The following ADGRF1 variants were observed in gnomAD, a reference collection of about 807,000 sequenced individuals.
ADGRF1 encodes G protein-coupled receptor 110.
Under a neutral mutation model 87.2 loss-of-function variants are expected in ADGRF1, and 85 were observed. The observed-to-expected ratio is 0.97, with a 90% CI of 0.82 to 1.17. ADGRF1 has a LOEUF of 1.17. Ranked by LOEUF, ADGRF1 falls within the 50% of genes most tolerant of loss-of-function variation. The probability of loss-of-function intolerance (pLI) is 0.00; values close to 1 mark genes in which losing one functional copy is unlikely to be tolerated. For synonymous variants in ADGRF1, 430 were observed against 408.8 expected (o/e 1.05, Z -0.63); for missense variants, 1,169 against 1,077.2 (o/e 1.09, Z -1.19).
Position 47,010,094 on chromosome 6 carries a change from A to G in ADGRF1, c.1341T>C (p.Tyr447=), listed in dbSNP as rs774217673. ...TATTTTGGGGACACATTTTAATCTGATAGCTGTAACCCCTTTTGAGTTGGC... is the reference window on the plus strand; with the variant it reads ...TATTTTGGGGACACATTTTAATCTGGTAGCTGTAACCCCTTTTGAGTTGGC... ...NKSQLKRGYS[Y]QIKMCPQNTS... is the part of the protein sequence containing the mutation. The change falls in exon 11 of 15, where the codon TAT becomes TAC. Residue 447 remains tyrosine, a synonymous_variant. Transcript: ENST00000371253. 1.2e-6 allele frequency: 2 copies of G among 1,614,138 alleles called. No individual in the cohort carries two copies. The highest frequency in any genetic ancestry group is 3.3e-5 in the Admixed American group (2 of 60,020).
intron 13 of ADGRF1, 118 bp from the exon 14 acceptor site, chr6:47,001,685 T>A: frequency 1.3e-6 from 1 of 758,948 alleles, no homozygotes; most frequent in Non-Finnish European, 2.2e-6. Context: ...TAGGTGCTAT[T>A]CTCTTTTTAA....
chr6:47,006,384 G>A (rs1779530147), intron 12 of ADGRF1, among the ~76,000 whole-genome samples: 1 of 151,984 alleles, frequency 6.6e-6, no homozygotes, highest in Non-Finnish European at 1.5e-5. Context: ...ATTGTTTAAT[G>A]CTTGGGTTTA....
rs1232749376 is a variant in ADGRF1, at chr6:47,008,966, A to G, written c.2469T>C (p.Phe823=). ...DSQNLAWHVI[F]ALLNAFQGFF... ...TCACCTGGAATGCATTGAGTAAAGC[A>G]AAAATAACATGCCAAGCCAGATTCT... Residue 823 remains phenylalanine, a synonymous_variant, in exon 11 of 15, where the codon TTT becomes TTC. Transcript: ENST00000371253. The G allele has an allele frequency of 6.2e-7, 1 of 1,603,182 alleles. No individual in the cohort carries two copies. Among genetic ancestry groups the G allele is most frequent in the East Asian group, 2.2e-5 (1 of 44,606 alleles).
In ADGRF1 at chr6:47,009,521, A is replaced by G. The variant is rs144891661; in HGVS notation, c.1914T>C (p.Asp638=). Residue 638 remains aspartate (D), a synonymous_variant, in exon 11 of 15, where the codon GAT becomes GAC. Coordinates refer to ENST00000371253, the MANE Select transcript of ADGRF1 (RefSeq NM_153840.4). ...VNIALSLLIA[D]VWFIVGATVD... ...CTGTGGCACCAACAATAAACCAGAC[A>G]TCAGCAATCAAGAGGGACAGGGCTA... 2.7e-5 allele frequency: 43 copies of G among 1,613,976 alleles called. No homozygotes were observed. The African/African-American group carries it at 5.1e-4, about 19-fold the overall frequency.
chr6:47,031,282 CTCTCTCTCTCTG>C (rs896417833), intron 1 of ADGRF1, among the ~76,000 whole-genome samples: 6 of 151,574 alleles, frequency 4.0e-5, no homozygotes, highest in Non-Finnish European at 7.4e-5. Context: ...CTCTCTCTCT[CTCTCTCTCTCTG>C]TCTGACTCTC....
chr6:47,013,904 C>T (rs866798983), intron 9 of ADGRF1: 39 of 152,528 alleles, frequency 2.6e-4, no homozygotes, highest in African/African-American at 9.5e-4. Context: ...CTCTCTCTCT[C>T]CTGTCACCAT....
intron 8 of ADGRF1, among the ~76,000 whole-genome samples, chr6:47,015,066 T>C (rs1051970099): frequency 6.6e-6 from 1 of 152,196 alleles, no homozygotes; most frequent in Non-Finnish European, 1.5e-5. Flanking sequence ...TGACTCCTCC[T>C]TCCAGGTGTC....
chr6:47,008,821 GT>G, intron 11 of ADGRF1, 123 bp downstream of exon 11: 1 of 806,222 alleles, frequency 1.2e-6, no homozygotes, highest in South Asian at 2.2e-5. Flanking sequence ...TTTCCATGCA[GT>G]TTTTCTGATG....
intron 2 of ADGRF1, among the ~76,000 whole-genome samples, chr6:47,028,258 G>A (rs1212644176): frequency 6.6e-6 from 1 of 152,168 alleles, no homozygotes; most frequent in Non-Finnish European, 1.5e-5. Flanking sequence ...GACAATGAAG[G>A]TGTGGATCAA....
intron 7 of ADGRF1, chr6:47,019,395 A>C (rs1373791526): frequency 1.0e-6 from 1 of 984,982 alleles, no homozygotes; most frequent in African/African-American, 1.7e-5. Flanking sequence ...AAAATTTCCT[A>C]TGGGTTGGCC....
At chr6:47,037,761 C>A (rs574772394) in intron 1 of ADGRF1, among the ~76,000 whole-genome samples, 14 of 152,328 alleles carry the variant, frequency 9.2e-5, no homozygotes, top group African/African-American at 3.1e-4. Context: ...GATCCTTCTT[C>A]CTTAGCCTCT....
chr6:47,025,968 T>C lies in ADGRF1; in HGVS notation c.163A>G (p.Thr55Ala). The change falls in exon 4 of 15, where the codon ACC becomes GCC. Residue 55 changes from threonine (T) to alanine (A), a missense_variant. Coordinates refer to ENST00000371253, the MANE Select transcript of ADGRF1 (RefSeq NM_153840.4). The part of the protein sequence containing the change: ...VEEYQLLLQV[T>A]YRDSKEKRDL... ...CTTTTCTCCTTGGAATCTCTATAGG[T>C]CACCTGAAGCAGCAGCTGATATTCT... 1 of 1,608,180 alleles carries C rather than the reference T, an allele frequency of 6.2e-7. No homozygotes were observed. The highest frequency in any genetic ancestry group is 8.5e-7 in the Non-Finnish European group (1 of 1,177,140).
rs144228974 is a variant in ADGRF1 at position 47,009,272 on chromosome 6, C to T, written c.2163G>A (p.Thr721=). The T allele has an allele frequency of 3.5e-5, 56 of 1,614,058 alleles. No homozygotes were observed. Among genetic ancestry groups the T allele is most frequent in the African/African-American group, 2.7e-4 (20 of 75,014 alleles). ...TCCTTTTGTAGGTATTGCTAGGTTG[C>T]GTGACAGCAATGGTAATGACAGATA... is the stretch of plus-strand genomic sequence containing the variant. The part of the protein sequence containing the change: ...LIISVITIAV[T]QPSNTYKRKD... Residue 721 remains threonine, a synonymous_variant, in exon 11 of 15, where the codon ACG becomes ACA. Transcript: ENST00000371253.
At chr6:47,013,617 A>G (rs1779772410) in intron 9 of ADGRF1, 1 of 985,182 alleles carries the variant, frequency 1.0e-6, no homozygotes, top group Admixed American at 6.2e-5. Context: ...ACTTGTCTTA[A>G]TACTTGAACC....
chr6:47,016,836 C>T, intron 7 of ADGRF1, 68 bp from the exon 8 acceptor site: 1 of 1,486,842 alleles, frequency 6.7e-7, no homozygotes, highest in Non-Finnish European at 9.0e-7. Context: ...CCGGCCTATG[C>T]TGTGTGTACA....
intron 14 of ADGRF1, among the ~76,000 whole-genome samples, chr6:47,001,123 C>T (rs559262168): frequency 1.6e-4 from 24 of 152,354 alleles, no homozygotes; most frequent in Admixed American, 3.3e-4. Context: ...CACCTGGCCG[C>T]GTGCCCACTG....
rs1335277629 is a variant in ADGRF1, at chr6:47,009,077, G to A, written c.2358C>T (p.Ile786=). ...ERLSRDDKAT[I]IRVGKSLLIL... ...TGAGGAGGCTCTTCCCCACGCGGAT[G>A]ATGGTGGCCTTGTCATCCCGACTCA... The change falls in exon 11 of 15, where the codon ATC becomes ATT. Residue 786 remains isoleucine (I), a synonymous_variant. Transcript: ENST00000371253. 4 of 1,614,114 alleles carry A rather than the reference G, an allele frequency of 2.5e-6. No individual in the cohort carries two copies. The highest frequency in any genetic ancestry group is 3.3e-5 in the Admixed American group (2 of 60,012).
chr6:47,020,791 T>G lies in ADGRF1; in HGVS notation c.553-2A>C. The stretch of plus-strand genomic sequence containing the variant: ...AATTCTTTCATATGCTTTTTTAAGC[T>G]TAGAAAGAGAACAAAGAACAATGTG... On this transcript the variant is annotated splice_acceptor_variant, in intron 6 of 14. Transcript: ENST00000371253. LOFTEE classifies it high-confidence loss of function. 1 of 1,612,854 alleles carries G rather than the reference T, an allele frequency of 6.2e-7. No homozygotes were observed. The highest frequency in any genetic ancestry group is 8.5e-7 in the Non-Finnish European group (1 of 1,178,946).
At chr6:47,004,477 A>G (rs1024418524) in intron 13 of ADGRF1, among the ~76,000 whole-genome samples, 1 of 152,176 alleles carries the variant, frequency 6.6e-6, no homozygotes, top group Non-Finnish European at 1.5e-5. Flanking sequence ...AGAAACAGAG[A>G]GAAACTGTTA....
Sources: gnomAD v4.1 joint callset for allele counts (sites outside exome capture counted in the v4.1 genomes callset) on GRCh38, gnomAD v4.1.1 for gene constraint, MANE v1.5 for transcripts, NCBI Gene and HGNC (gene_info 2026-07-23, HGNC 2026-07-21) for gene names.